Variants in SEPSECS observed in about 807,000 individuals in gnomAD.
SEPSECS encodes O-phosphoseryl-tRNA(Sec) selenium transferase.
SEPSECS carries 42 observed loss-of-function variants against 52.1 expected under a neutral mutation model. The observed-to-expected ratio is 0.81, with a 90% CI of 0.63 to 1.04. SEPSECS has a LOEUF of 1.04. SEPSECS is among the 50% of genes least tolerant of loss of function. SEPSECS has a pLI of 0.00. For synonymous variants in SEPSECS, 216 were observed against 211.4 expected (o/e 1.02, Z -0.19); for missense variants, 590 against 610.6 (o/e 0.97, Z 0.36).
Position 25,120,797 on chromosome 4 carries a change from G to T in SEPSECS, c.*3134C>A, listed in dbSNP as rs886059340. On this transcript the variant is annotated 3_prime_UTR_variant, in exon 11 of 11. Coordinates refer to ENST00000382103, the MANE Select transcript of SEPSECS (RefSeq NM_016955.4). The stretch of plus-strand genomic sequence containing the variant: ...TTTATTATTGTTGTTTTCAGCTGTT[G>T]GTTATTTTCCTCTGTGAAATATAAC... The T allele has an allele frequency of 6.6e-6, 1 of 151,920 alleles. No individual in the cohort carries two copies. Among genetic ancestry groups the T allele is most frequent in the Non-Finnish European group, 1.5e-5 (1 of 67,948 alleles). The allele number at this position is 151,920 out of a possible 1,614,324, so 9.4% of individuals were successfully genotyped here. A position where few individuals can be genotyped will look rare whatever the true frequency, so the allele number is the denominator to read the frequency against.
At position 25,145,129 on chromosome 4, in the gene SEPSECS, GC is replaced by G; in HGVS notation, c.808del (p.Ala270LeufsTer6). 1 of 1,613,702 alleles carries G rather than the reference GC, an allele frequency of 6.2e-7. No individual in the cohort carries two copies. Among genetic ancestry groups the G allele is most frequent in the Non-Finnish European group, 8.5e-7 (1 of 1,179,860 alleles). Reference protein sequence around the residue: ...SKCMHLIQQGARVGRIDAFVQ... With the variant: ...SKCMHLIQQGXRVGRIDAFVQ... ...AAAAGCATCTATTCTACCAACTCGA[GC>G]CCCCTGGAATCAATATGATATTACA... On this transcript the variant is annotated frameshift_variant, in exon 7 of 11. Transcript: ENST00000382103. LOFTEE classifies it high-confidence loss of function.
At chr4:25,131,949 G>A (rs1728624520) in intron 8 of SEPSECS, among the ~76,000 whole-genome samples, 2 of 152,116 alleles carry the variant, frequency 1.3e-5, no homozygotes, top group South Asian at 4.1e-4. Flanking sequence ...CTTTCTTTCT[G>A]CATAGACAAA....
chr4:25,135,278 G>C (rs542345306), intron 8 of SEPSECS, among the ~76,000 whole-genome samples: 6 of 151,176 alleles, frequency 4.0e-5, no homozygotes, highest in Non-Finnish European at 7.4e-5. Context: ...GAATCCAGGA[G>C]TGGGTTTTTT....
chr4:25,159,137 ATTT>A, intron 1 of SEPSECS, 30 bp from the exon 2 acceptor site: 1 of 1,504,762 alleles, frequency 6.6e-7, no homozygotes, highest in Non-Finnish European at 8.9e-7. Context: ...TTATGATTAT[ATTT>A]AATAAAACTA....
chr4:25,134,681 CAA>C (rs1329928279), intron 8 of SEPSECS, among the ~76,000 whole-genome samples: 2 of 152,134 alleles, frequency 1.3e-5, no homozygotes, highest in Non-Finnish European at 2.9e-5. Context: ...CAAAATTACT[CAA>C]GACTTACATT....
intron 9 of SEPSECS, 27 bp downstream of exon 9, chr4:25,127,237 G>T: frequency 1.4e-6 from 2 of 1,464,976 alleles, no homozygotes; most frequent in Non-Finnish European, 1.9e-6. Flanking sequence ...ATAAGTATTT[G>T]TTTTTCTTTA....
chr4:25,141,460 G>A (rs1711544778), intron 8 of SEPSECS, among the ~76,000 whole-genome samples: 1 of 152,048 alleles, frequency 6.6e-6, no homozygotes, highest in Admixed American at 6.5e-5. Context: ...TGAACTCCTA[G>A]TCTTCCCCCA....
chr4:25,156,052 A>T lies in SEPSECS; in HGVS notation c.532T>A (p.Ser178Thr), dbSNP rs1712605693. The change falls in exon 4 of 11, where the codon TCC becomes ACC. Residue 178 changes from serine to threonine, a missense_variant. Transcript: ENST00000382103. ...PRIDQKSCFK[S>T]MITAGFEPVV... ...CTTCTCTTACCTGCAGTGATCATGG[A>T]TTTAAAGCAGGACTTCTGGTCTATT... 1 of 1,613,758 alleles carries T rather than the reference A, an allele frequency of 6.2e-7. No individual in the cohort carries two copies. The highest frequency in any genetic ancestry group is 8.5e-7 in the Non-Finnish European group (1 of 1,179,824).
chr4:25,150,480 A>C (rs980272382), intron 6 of SEPSECS, among the ~76,000 whole-genome samples: 1 of 152,230 alleles, frequency 6.6e-6, no homozygotes, highest in South Asian at 2.1e-4. Context: ...ATCACTGTCA[A>C]TAACAAACAT....
intron 2 of SEPSECS, among the ~76,000 whole-genome samples, chr4:25,157,347 C>G (rs1249263723): frequency 1.3e-5 from 2 of 152,026 alleles, no homozygotes; most frequent in Non-Finnish European, 2.9e-5. Flanking sequence ...GCTAGGCAAA[C>G]CTTCAGATGA....
chr4:25,150,548 G>T (rs913314950), intron 6 of SEPSECS, among the ~76,000 whole-genome samples: 2 of 151,812 alleles, frequency 1.3e-5, no homozygotes, highest in Admixed American at 1.3e-4. Flanking sequence ...TCAATTTTAA[G>T]AAACATCATT....
chr4:25,156,110 T>C lies in SEPSECS; in HGVS notation c.474A>G (p.Lys158=), dbSNP rs951062425. The C allele has an allele frequency of 6.2e-6, 10 of 1,613,936 alleles. No individual in the cohort carries two copies. The African/African-American group carries it at 1.2e-4, about 19-fold the overall frequency. ...LTLCFLTLRH[K]RPKAKYIIWP... is the part of the protein sequence containing the mutation. The stretch of plus-strand genomic sequence containing the variant: ...ATATAATATACTTTGCCTTTGGTCT[T>C]TTGTGTCGTAATGTTAAGAAACACA... The change falls in exon 4 of 11, where the codon AAA becomes AAG. Residue 158 remains lysine, a synonymous_variant. Coordinates refer to ENST00000382103, the MANE Select transcript of SEPSECS (RefSeq NM_016955.4).
At position 25,127,253 on chromosome 4, in the gene SEPSECS, A is replaced by C; in HGVS notation, c.1120+11T>G. On this transcript the variant is annotated intron_variant, in intron 9 of 10. Transcript: ENST00000382103. ...TAAGTATTTGTTTTTCTTTAGGAAA[A>C]AAGAAATTACCTAAAGATATGGGAT... 6.3e-7 allele frequency: 1 copy of C among 1,584,816 alleles called. No homozygotes were observed. The highest frequency in any genetic ancestry group is 8.7e-7 in the Non-Finnish European group (1 of 1,154,170).
rs774148440 is a variant in SEPSECS, at chr4:25,156,877, G to A, written c.367C>T (p.Leu123=). ...LLNKITNSLV[L]DIIKLAGVHT... is the part of the protein sequence containing the mutation. ...ATACCAGCCAGCTTTATAATGTCCA[G>A]GACCAAAGAATTGGTAATTTTGTTC... is the stretch of plus-strand genomic sequence containing the variant. Residue 123 remains leucine (L), a synonymous_variant, in exon 3 of 11, where the codon CTG becomes TTG. Coordinates refer to ENST00000382103, the MANE Select transcript of SEPSECS (RefSeq NM_016955.4). 9 of 1,599,260 alleles carry A rather than the reference G, an allele frequency of 5.6e-6. No individual in the cohort carries two copies. In the African/African-American group the frequency reaches 9.4e-5, roughly 17 times the overall value.
At chr4:25,159,512 C>T (rs1362505039) in intron 1 of SEPSECS, 3 of 416,588 alleles carry the variant, frequency 7.2e-6, no homozygotes, top group Non-Finnish European at 1.4e-5. Context: ...TCACTCACGC[C>T]TGTAATCCGA....
At chr4:25,160,184 C>G in intron 1 of SEPSECS, 72 bp downstream of exon 1, 3 of 1,541,694 alleles carry the variant, frequency 1.9e-6, no homozygotes, top group South Asian at 2.4e-5. Context: ...TGAGGCAGCA[C>G]CAGCGGGGAC....
chr4:25,152,254 C>T (rs889283920), intron 5 of SEPSECS, among the ~76,000 whole-genome samples, 192 bp from the exon 6 acceptor site: 6 of 151,710 alleles, frequency 4.0e-5, no homozygotes, highest in African/African-American at 9.7e-5. Flanking sequence ...CAAGCTCTTT[C>T]GAATAAACCT....
rs1560338447 is a variant in SEPSECS, at chr4:25,159,125, AC to A, written c.115-19del. The A allele has an allele frequency of 6.6e-7, 1 of 1,506,900 alleles. No individual in the cohort carries two copies. Among genetic ancestry groups the A allele is most frequent in the Non-Finnish European group, 9.0e-7 (1 of 1,114,760 alleles). The allele number at this position is 1,506,900 out of a possible 1,614,324, so 93.3% of individuals were successfully genotyped here. On this transcript the variant is annotated intron_variant, in intron 1 of 10. Transcript: ENST00000382103. ...CACTTGCCCTTAAAAAAAAAAAAAAACTTATGATTATATTTAATAAAACTAC... is the reference window on the plus strand; with the variant it reads ...CACTTGCCCTTAAAAAAAAAAAAAAATTATGATTATATTTAATAAAACTAC...
intron 6 of SEPSECS, among the ~76,000 whole-genome samples, chr4:25,146,450 G>A (rs527629176): frequency 6.9e-6 from 1 of 145,862 alleles, no homozygotes; most frequent in African/African-American, 2.6e-5. Context: ...GGAAAATAGA[G>A]AGATGCATAT....
Sources: gnomAD v4.1 joint callset for allele counts (sites outside exome capture counted in the v4.1 genomes callset) on GRCh38, gnomAD v4.1.1 for gene constraint, MANE v1.5 for transcripts, NCBI Gene and HGNC (gene_info 2026-07-23, HGNC 2026-07-21) for gene names.